Variants in MACROD2 observed in about 807,000 individuals in gnomAD.
MACROD2 encodes mono-ADP ribosylhydrolase 2, also known as ADP-ribose glycohydrolase MACROD2.
A neutral mutation model predicts 70.4 loss-of-function variants in MACROD2; 36 were observed. That is an observed-to-expected ratio of 0.51 (90% CI 0.39 to 0.68). The LOEUF (loss-of-function observed/expected upper bound fraction) is 0.68, where lower values mean the gene tolerates loss of function less well. Among genes scored for constraint, MACROD2 ranks in the 30% least tolerant of loss-of-function variants. The probability of loss-of-function intolerance (pLI) is 0.00; values close to 1 mark genes in which losing one functional copy is unlikely to be tolerated. For synonymous variants in MACROD2, 172 were observed against 178.8 expected, an observed-to-expected ratio of 0.96 and a Z score of 0.30; for missense variants, 496 against 538.4, an observed-to-expected ratio of 0.92 and a Z score of 0.78.
chr20:15,203,072 A>T (rs576355347), intron 5 of MACROD2, among the ~76,000 whole-genome samples: 129 of 152,166 alleles, frequency 8.5e-4, no homozygotes, highest in Non-Finnish European at 1.5e-3. Flanking sequence ...TTGGGATGGG[A>T]ACTTGTTAAT....
chr20:14,124,223 G>A (rs1303643163), intron 3 of MACROD2, among the ~76,000 whole-genome samples: 3 of 152,144 alleles, frequency 2.0e-5, no homozygotes, highest in Non-Finnish European at 4.4e-5. Flanking sequence ...TGAAATTGGT[G>A]TCAAACTGTT....
intron 8 of MACROD2, among the ~76,000 whole-genome samples, chr20:15,658,801 G>T (rs998667109): frequency 1.3e-5 from 2 of 152,080 alleles, no homozygotes; most frequent in African/African-American, 4.8e-5. Flanking sequence ...CACAAGGATG[G>T]TTTTTGCTAA....
intron 12 of MACROD2, among the ~76,000 whole-genome samples, chr20:15,942,957 C>A (rs1263252019): frequency 6.6e-6 from 1 of 152,166 alleles, no homozygotes; most frequent in Non-Finnish European, 1.5e-5. Context: ...GGTGCATACC[C>A]AGGCTTGTAT....
chr20:15,511,600 G>A (rs1297178101), intron 8 of MACROD2, among the ~76,000 whole-genome samples: 1 of 152,222 alleles, frequency 6.6e-6, no homozygotes, highest in Non-Finnish European at 1.5e-5. Context: ...TTCACTTTAT[G>A]TGCTGACCTT....
chr20:15,230,166 A>G (rs2076947409), intron 6 of MACROD2, 105 bp downstream of exon 6: 1 of 1,139,558 alleles, frequency 8.8e-7, no homozygotes, highest in Admixed American at 2.7e-5. Context: ...AACTTTTGAG[A>G]ACTAAGTTTA....
At chr20:14,388,078 T>C (rs1357908071) in intron 3 of MACROD2, among the ~76,000 whole-genome samples, 2 of 151,658 alleles carry the variant, frequency 1.3e-5, no homozygotes, top group Non-Finnish European at 2.9e-5. Context: ...GGCATGATCT[T>C]GGCTCACTGC....
intron 8 of MACROD2, among the ~76,000 whole-genome samples, chr20:15,765,631 T>G (rs530151547): frequency 2.6e-4 from 40 of 152,316 alleles, no homozygotes; most frequent in African/African-American, 9.6e-4. Flanking sequence ...TATTTATGTG[T>G]TTTTTGTGTT....
intron 5 of MACROD2, among the ~76,000 whole-genome samples, chr20:15,188,543 A>G (rs1017402176): frequency 6.6e-6 from 1 of 152,182 alleles, no homozygotes; most frequent in African/African-American, 2.4e-5. Context: ...TTTTGTGTGA[A>G]AGCCCGTATT....
At chr20:14,469,544 T>C (rs771400176) in intron 3 of MACROD2, among the ~76,000 whole-genome samples, 2 of 152,144 alleles carry the variant, frequency 1.3e-5, no homozygotes, top group Non-Finnish European at 2.9e-5. Context: ...CCATTCTCCC[T>C]GTCACTTTCA....
chr20:15,819,255 T>G (rs1412915216), intron 8 of MACROD2, among the ~76,000 whole-genome samples: 1 of 117,648 alleles, frequency 8.5e-6, no homozygotes, highest in East Asian at 2.2e-4. Flanking sequence ...ATATAAATAT[T>G]TACATAGTAT....
intron 2 of MACROD2, among the ~76,000 whole-genome samples, chr20:14,063,576 TA>T (rs2053716679): frequency 6.6e-6 from 1 of 152,172 alleles, no homozygotes; most frequent in African/African-American, 2.4e-5. Flanking sequence ...GTACTTAACA[TA>T]AACTTTGTTT....
At chr20:14,009,489 T>C (rs2052868550) in intron 2 of MACROD2, among the ~76,000 whole-genome samples, 1 of 152,152 alleles carries the variant, frequency 6.6e-6, no homozygotes, top group African/African-American at 2.4e-5. Context: ...GGCGAGGTTA[T>C]AGAGGAACAC....
intron 5 of MACROD2, among the ~76,000 whole-genome samples, chr20:14,942,124 C>G (rs1019381651): frequency 6.6e-6 from 1 of 151,998 alleles, no homozygotes; most frequent in African/African-American, 2.4e-5. Context: ...TGTAGACACT[C>G]TAACAATGTG....
intron 6 of MACROD2, among the ~76,000 whole-genome samples, chr20:15,325,162 A>C (rs6034156): frequency 0.31 from 47,714 of 151,954 alleles, 7,561 homozygotes; most frequent in South Asian, 0.35. Flanking sequence ...ACAATCTTTC[A>C]CCCCATTGGT....
intron 10 of MACROD2, among the ~76,000 whole-genome samples, chr20:15,889,758 A>G (rs1009369948): frequency 6.6e-6 from 1 of 152,108 alleles, no homozygotes; most frequent in Non-Finnish European, 1.5e-5. Context: ...AAAATTATCA[A>G]CCACCTATGG....
At chr20:15,411,836 T>C (rs1279721611) in intron 6 of MACROD2, among the ~76,000 whole-genome samples, 1 of 151,980 alleles carries the variant, frequency 6.6e-6, no homozygotes, top group Non-Finnish European at 1.5e-5. Context: ...AAGCCCAGGA[T>C]TAATCCATCG....
intron 3 of MACROD2, among the ~76,000 whole-genome samples, chr20:14,428,456 T>G (rs2083959894): frequency 6.6e-6 from 1 of 152,272 alleles, no homozygotes; most frequent in South Asian, 2.1e-4. Flanking sequence ...AGTTGTTTTA[T>G]GAAATGAAAA....
At position 15,124,725 on chromosome 20, in the gene MACROD2, T is replaced by C. The variant is rs144249933; in HGVS notation, c.419-105215T>C. Reference sequence around the variant, plus strand: ...ATATTTCTTCCAGTTCTTTAGGACATTAATCATTATTGAAATTTTGTCCTT... The same window carrying C: ...ATATTTCTTCCAGTTCTTTAGGACACTAATCATTATTGAAATTTTGTCCTT... On this transcript the variant is annotated intron_variant, in intron 5 of 17. Transcript: ENST00000684519. Among the ~76,000 whole-genome samples, 536 of 152,204 alleles carry C rather than the reference T, an allele frequency of 3.5e-3. 7 individuals carry two copies. The highest frequency in any genetic ancestry group is 0.031 in the Admixed American group (476 of 15,272).
rs139721369 is a variant in MACROD2, at chr20:15,492,479, G to A, written c.572-7295G>A. On this transcript the variant is annotated intron_variant, in intron 7 of 17. Transcript: ENST00000684519. The stretch of plus-strand genomic sequence containing the variant: ...ATTTCTTTTCACCTGAGCTTGAAAA[G>A]TATACTGTTTGATTTCCTGTGATCC... 4.1e-3 allele frequency among the ~76,000 whole-genome samples: 619 copies of A among 152,230 alleles called. 5 individuals are homozygous for A. Among genetic ancestry groups the A allele is most frequent in the African/African-American group, 0.014 (589 of 41,532 alleles).
Sources: allele counts gnomAD v4.1 joint callset (sites outside exome capture counted in the v4.1 genomes callset), GRCh38; gene constraint gnomAD v4.1.1; transcripts MANE v1.5; gene names NCBI Gene and HGNC (gene_info 2026-07-23, HGNC 2026-07-21).